The following CAB39 variants were observed in gnomAD, a reference collection of about 807,000 sequenced individuals.
CAB39 encodes the protein calcium binding protein 39.
A neutral mutation model predicts 40.0 loss-of-function variants in CAB39; 8 were observed. The observed-to-expected ratio is 0.20, with a 90% CI of 0.12 to 0.36. The LOEUF (loss-of-function observed/expected upper bound fraction) is 0.36, where lower values mean the gene tolerates loss of function less well. Among genes scored for constraint, CAB39 ranks in the 10% least tolerant of loss-of-function variants. The pLI is 1.00. For synonymous variants in CAB39, 156 were observed against 141.6 expected (o/e 1.10, Z -0.72); for missense variants, 270 against 401.1 (o/e 0.67, Z 2.79).
chr2:230,818,536 C>T lies in CAB39; in HGVS notation c.858C>T (p.Asn286=). ...HVFKVFVANP[N]KTQPILDILL... is the part of the protein sequence containing the mutation. ...CGCAGGTGTTTGTAGCCAATCCTAA[C>T]AAGACGCAGCCCATCCTAGACATCC... The change falls in exon 9 of 9, where the codon AAC becomes AAT. Residue 286 remains asparagine, a synonymous_variant. Coordinates refer to ENST00000258418, the MANE Select transcript of CAB39 (RefSeq NM_016289.4). 1 of 1,613,948 alleles carries T rather than the reference C, an allele frequency of 6.2e-7. No homozygotes were observed. Among genetic ancestry groups the T allele is most frequent in the Non-Finnish European group, 8.5e-7 (1 of 1,179,954 alleles).
intron 2 of CAB39, among the ~76,000 whole-genome samples, 181 bp from the exon 3 acceptor site, chr2:230,790,691 G>A (rs1257541790): frequency 1.3e-5 from 2 of 152,230 alleles, no homozygotes; most frequent in Non-Finnish European, 2.9e-5. Context: ...TGGTCCCCAT[G>A]TGCACGCAGA....
chr2:230,730,708 T>C (rs1366686729), intron 1 of CAB39, among the ~76,000 whole-genome samples: 1 of 152,154 alleles, frequency 6.6e-6, no homozygotes, highest in Non-Finnish European at 1.5e-5. Flanking sequence ...CCTCCCAAAG[T>C]GCTGGGATTA....
intron 2 of CAB39, chr2:230,778,959 G>T (rs79450018): frequency 1.3e-5 from 2 of 152,226 alleles, no homozygotes; most frequent in East Asian, 3.9e-4. Context: ...ACGTTATGTG[G>T]TGCGTGACTA....
chr2:230,772,572 C>T (rs962352583), intron 2 of CAB39, among the ~76,000 whole-genome samples: 1 of 151,738 alleles, frequency 6.6e-6, no homozygotes, highest in Non-Finnish European at 1.5e-5. Flanking sequence ...GCAAGCTCCA[C>T]CTCCCTGGTT....
At chr2:230,773,425 T>C (rs6733332) in intron 2 of CAB39, among the ~76,000 whole-genome samples, 54,666 of 151,494 alleles carry the variant, frequency 0.36, 13,746 homozygotes, top group African/African-American at 0.72. Flanking sequence ...AAAGACTGTT[T>C]ATGTACCAAC....
chr2:230,788,549 C>A (rs922749844), intron 2 of CAB39, among the ~76,000 whole-genome samples: 9 of 152,158 alleles, frequency 5.9e-5, no homozygotes, highest in Non-Finnish European at 1.2e-4. Flanking sequence ...CATTTTTCTT[C>A]AGCCAGTAGG....
intron 2 of CAB39, among the ~76,000 whole-genome samples, chr2:230,768,997 C>T (rs1279599418): frequency 6.6e-6 from 1 of 151,778 alleles, no homozygotes; most frequent in Non-Finnish European, 1.5e-5. Context: ...CTATATGGTG[C>T]CTATTAAAAA....
At chr2:230,772,680 T>A (rs1695503734) in intron 2 of CAB39, among the ~76,000 whole-genome samples, 1 of 151,356 alleles carries the variant, frequency 6.6e-6, no homozygotes, top group African/African-American at 2.4e-5. Context: ...AGAGACGGGG[T>A]TTCACCGTGT....
intron 1 of CAB39, among the ~76,000 whole-genome samples, chr2:230,755,625 T>C (rs1695175607): frequency 6.6e-6 from 1 of 152,216 alleles, no homozygotes; most frequent in Non-Finnish European, 1.5e-5. Flanking sequence ...TCTTTTGCCA[T>C]GCAAAAGCAC....
In CAB39 at chr2:230,814,077, A is replaced by C; in HGVS notation, c.656A>C (p.His219Pro). The change falls in exon 7 of 9, where the codon CAT becomes CCT. Residue 219 changes from histidine (H) to proline (P), a missense_variant. By Grantham distance (77) the His-to-Pro change is moderately conservative. Transcript: ENST00000258418. ...TTCAGTGAATATGAGAAGTTACTTC[A>C]TTCAGAAAATTATGTGACAAAAAGA... ...RFFSEYEKLL[H>P]SENYVTKRQS... 3.5e-6 allele frequency: 5 copies of C among 1,436,038 alleles called. No individual in the cohort carries two copies. The highest frequency in any genetic ancestry group is 4.7e-6 in the Non-Finnish European group (5 of 1,054,346). The allele number at this position is 1,436,038 out of a possible 1,614,324, so 89.0% of individuals were successfully genotyped here. A position where few individuals can be genotyped will look rare whatever the true frequency, so the allele number is the denominator to read the frequency against.
intron 1 of CAB39, among the ~76,000 whole-genome samples, chr2:230,739,038 A>G (rs1434870948): frequency 6.6e-6 from 1 of 152,148 alleles, no homozygotes; most frequent in Non-Finnish European, 1.5e-5. Context: ...TGAACTTTCA[A>G]GTTTTCTCAT....
At chr2:230,744,906 A>C (rs1348591824) in intron 1 of CAB39, among the ~76,000 whole-genome samples, 1 of 152,250 alleles carries the variant, frequency 6.6e-6, no homozygotes, top group Non-Finnish European at 1.5e-5. Context: ...CTAAAAAATC[A>C]GCTACTAAAG....
At chr2:230,732,705 G>A (rs1694715743) in intron 1 of CAB39, among the ~76,000 whole-genome samples, 1 of 152,192 alleles carries the variant, frequency 6.6e-6, no homozygotes, top group South Asian at 2.1e-4. Context: ...AATGAGATCA[G>A]TTAGATCAGC....
At chr2:230,752,035 C>A (rs889423339) in intron 1 of CAB39, 9 of 89,924 alleles carry the variant, frequency 1.0e-4, no homozygotes, top group African/African-American at 3.0e-4. Context: ...GACCACCCCC[C>A]CCCCCCCCAC....
chr2:230,804,708 C>T (rs1392431164), intron 5 of CAB39, among the ~76,000 whole-genome samples: 3 of 152,200 alleles, frequency 2.0e-5, no homozygotes, highest in Admixed American at 6.5e-5. Context: ...TACCATCTCA[C>T]ACCAGTTAGA....
intron 2 of CAB39, chr2:230,779,564 A>G (rs1379092142): frequency 2.0e-5 from 3 of 152,238 alleles, no homozygotes; most frequent in South Asian, 2.1e-4. Context: ...ATGAAAAGTA[A>G]TATGAGGCTA....
At chr2:230,728,590 T>C (rs1694629734) in intron 1 of CAB39, among the ~76,000 whole-genome samples, 1 of 152,138 alleles carries the variant, frequency 6.6e-6, no homozygotes, top group African/African-American at 2.4e-5. Context: ...GCATGAGCCG[T>C]CGCACCCTGC....
chr2:230,731,431 A>G (rs1694686721), intron 1 of CAB39, among the ~76,000 whole-genome samples: 1 of 152,230 alleles, frequency 6.6e-6, no homozygotes, highest in Non-Finnish European at 1.5e-5. Flanking sequence ...GTGTCTTAAA[A>G]AATCTAGCTG....
intron 7 of CAB39, among the ~76,000 whole-genome samples, chr2:230,815,259 C>G (rs1415814979): frequency 6.6e-6 from 1 of 152,238 alleles, no homozygotes; most frequent in Non-Finnish European, 1.5e-5. Flanking sequence ...ACAGTCCAGC[C>G]AGGCCCCTTG....
Sources: allele counts gnomAD v4.1 joint callset (sites outside exome capture counted in the v4.1 genomes callset), GRCh38; gene constraint gnomAD v4.1.1; transcripts MANE v1.5; gene names NCBI Gene and HGNC (gene_info 2026-07-23, HGNC 2026-07-21).